FER: variants seen among roughly 807,000 people sequenced by gnomAD.
FER encodes the protein tyrosine-protein kinase Fer.
Under a neutral mutation model 111.0 loss-of-function variants are expected in FER, and 63 were observed. The ratio of observed to expected loss-of-function variants is 0.57; its 90% CI spans 0.46 to 0.70. The LOEUF is 0.70. FER is among the 30% of genes least tolerant of loss of function. The pLI is 0.00. For missense variants in FER, 914 were observed against 954.0 expected (o/e 0.96, Z 0.55); for synonymous variants, 327 against 313.9 (o/e 1.04, Z -0.44).
intron 16 of FER, among the ~76,000 whole-genome samples, chr5:109,088,816 A>G (rs922398181): frequency 1.3e-5 from 2 of 152,166 alleles, no homozygotes; most frequent in Non-Finnish European, 2.9e-5. Context: ...GGAATTATAG[A>G]CAATTCATAT....
At chr5:108,983,950 T>C (rs1168468142) in intron 13 of FER, among the ~76,000 whole-genome samples, 3 of 152,160 alleles carry the variant, frequency 2.0e-5, no homozygotes, top group African/African-American at 4.8e-5. Flanking sequence ...GCTTTCTTGG[T>C]TTCTTTCATG....
intron 9 of FER, among the ~76,000 whole-genome samples, chr5:108,890,011 C>T (rs1022047993): frequency 2.6e-5 from 4 of 151,996 alleles, no homozygotes; most frequent in Non-Finnish European, 5.9e-5. Flanking sequence ...AATAATATCA[C>T]AACCCAGATA....
chr5:108,863,771 G>C (rs530709149), intron 5 of FER, among the ~76,000 whole-genome samples: 4 of 152,202 alleles, frequency 2.6e-5, no homozygotes, highest in Non-Finnish European at 4.4e-5. Context: ...ATACCTCATA[G>C]TAAGGAGAAT....
In FER at chr5:109,193,434, A is replaced by C. The variant is rs1314041946; in HGVS notation, c.*5859A>C. 6.6e-6 allele frequency: 1 copy of C among 152,204 alleles called. No homozygotes were observed. Among genetic ancestry groups the C allele is most frequent in the South Asian group, 2.1e-4 (1 of 4,828 alleles). The allele number at this position is 152,204 out of a possible 1,614,324, so 9.4% of individuals were successfully genotyped here. A position where few individuals can be genotyped will look rare whatever the true frequency, so the allele number is the denominator to read the frequency against. ...TTGTCAGCAAATTTGTAAAAACCTC[A>C]AAACAAATGAATATTTGGAATTCAC... On this transcript the variant is annotated 3_prime_UTR_variant, in exon 20 of 20. Coordinates refer to ENST00000281092, the MANE Select transcript of FER (RefSeq NM_005246.4).
intron 11 of FER, among the ~76,000 whole-genome samples, chr5:108,947,483 C>T (rs1255243138): frequency 6.6e-6 from 1 of 151,978 alleles, no homozygotes; most frequent in African/African-American, 2.4e-5. Context: ...TTCTTATTGG[C>T]AGCTTATATG....
At chr5:108,763,101 C>T (rs1042117841) in intron 1 of FER, among the ~76,000 whole-genome samples, 1 of 151,936 alleles carries the variant, frequency 6.6e-6, no homozygotes, top group South Asian at 2.1e-4. Flanking sequence ...AAACTCATGG[C>T]ACACAGATAG....
intron 17 of FER, among the ~76,000 whole-genome samples, chr5:109,113,663 G>A (rs1425015951): frequency 6.6e-6 from 1 of 152,150 alleles, no homozygotes; most frequent in Non-Finnish European, 1.5e-5. Context: ...TATTCATGTT[G>A]AGGTATTATC....
intron 14 of FER, among the ~76,000 whole-genome samples, chr5:109,043,036 A>G (rs563746636): frequency 8.1e-4 from 124 of 152,180 alleles, no homozygotes; most frequent in Non-Finnish European, 3.8e-4. Flanking sequence ...AGCTTAGGTA[A>G]TAGAATTGAG....
intron 10 of FER, among the ~76,000 whole-genome samples, chr5:108,901,698 T>G (rs1166256434): frequency 6.6e-6 from 1 of 152,204 alleles, no homozygotes; most frequent in Non-Finnish European, 1.5e-5. Context: ...ACACCTGTAA[T>G]GTCAGCATTT....
intron 18 of FER, among the ~76,000 whole-genome samples, chr5:109,183,421 GTAC>G (rs1467389501): frequency 6.6e-6 from 1 of 151,918 alleles, no homozygotes; most frequent in Non-Finnish European, 1.5e-5. Context: ...GCTAATTTTT[GTAC>G]TTTTAGTAGA....
intron 17 of FER, among the ~76,000 whole-genome samples, chr5:109,172,075 G>T (rs1482768458): frequency 1.3e-5 from 2 of 152,130 alleles, no homozygotes; most frequent in Non-Finnish European, 2.9e-5. Context: ...AGTCAGTGTG[G>T]CAATTCCTCA....
chr5:108,914,856 A>G (rs1561607763), intron 10 of FER, among the ~76,000 whole-genome samples: 2 of 152,206 alleles, frequency 1.3e-5, no homozygotes, highest in Admixed American at 6.5e-5. Context: ...ATAGGAAAAA[A>G]TAATTTAGAA....
chr5:108,801,933 G>A (rs1157022336), intron 3 of FER, among the ~76,000 whole-genome samples: 1 of 152,180 alleles, frequency 6.6e-6, no homozygotes, highest in Non-Finnish European at 1.5e-5. Context: ...TAATATTCAA[G>A]TAGCATATAC....
At chr5:109,025,362 A>G (rs1768555718) in intron 13 of FER, among the ~76,000 whole-genome samples, 1 of 151,972 alleles carries the variant, frequency 6.6e-6, no homozygotes, top group African/African-American at 2.4e-5. Context: ...ATTCCTAGGT[A>G]TTTTATTCTC....
intron 6 of FER, among the ~76,000 whole-genome samples, chr5:108,869,203 A>C (rs975389527): frequency 6.6e-6 from 1 of 152,132 alleles, no homozygotes; most frequent in South Asian, 2.1e-4. Context: ...TTTCATGTGC[A>C]TTTGCTTACT....
chr5:108,800,467 C>T (rs1396388855), intron 3 of FER, among the ~76,000 whole-genome samples: 2 of 151,980 alleles, frequency 1.3e-5, no homozygotes, highest in Admixed American at 6.6e-5. Flanking sequence ...CCTTCCACCT[C>T]AGCTTTCTAG....
intron 16 of FER, among the ~76,000 whole-genome samples, chr5:109,057,786 T>A (rs909652753): frequency 1.3e-5 from 2 of 152,222 alleles, no homozygotes; most frequent in East Asian, 3.8e-4. Flanking sequence ...TTCTGGTGAA[T>A]TATACCAAAC....
chr5:108,769,092 G>T (rs1464617509), intron 2 of FER, among the ~76,000 whole-genome samples: 1 of 152,108 alleles, frequency 6.6e-6, no homozygotes, highest in Non-Finnish European at 1.5e-5. Context: ...CTCCTAAAGT[G>T]CTGGGATTAC....
At chr5:108,862,431 A>C (rs149361767) in intron 5 of FER, among the ~76,000 whole-genome samples, 96 of 152,342 alleles carry the variant, frequency 6.3e-4, no homozygotes, top group African/African-American at 2.2e-3. Context: ...TGTGCAAATG[A>C]GAGGACAGAT....
Sources: gnomAD v4.1 joint callset for allele counts (sites outside exome capture counted in the v4.1 genomes callset) on GRCh38, gnomAD v4.1.1 for gene constraint, MANE v1.5 for transcripts, NCBI Gene and HGNC (gene_info 2026-07-23, HGNC 2026-07-21) for gene names.